ZSCAN23: variants seen among roughly 807,000 people sequenced by gnomAD.
ZSCAN23 encodes zinc finger and SCAN domain containing 23.
Under a neutral mutation model 19.3 loss-of-function variants are expected in ZSCAN23, and 19 were observed. That is an observed-to-expected ratio of 0.99 (90% CI 0.69 to 1.45). The LOEUF (loss-of-function observed/expected upper bound fraction) is 1.45. Ranked by LOEUF, ZSCAN23 falls within the 40% of genes most tolerant of loss-of-function variation. The probability of loss-of-function intolerance (pLI) is 0.00; values close to 1 mark genes in which losing one functional copy is unlikely to be tolerated. For synonymous variants in ZSCAN23, 140 were observed against 166.2 expected, an observed-to-expected ratio of 0.84 and a Z score of 1.21; for missense variants, 372 against 462.5, an observed-to-expected ratio of 0.80 and a Z score of 1.79.
the ZSCAN23 span, among the ~76,000 whole-genome samples, chr6:28,421,422 T>C: frequency 6.6e-6 from 1 of 152,140 alleles, no homozygotes; most frequent in Non-Finnish European, 1.5e-5. Context: ...TATTCCAGCT[T>C]TATTAAATGA....
chr6:28,430,022 G>C (rs1333916410), downstream of ZSCAN23, among the ~76,000 whole-genome samples: 2 of 126,668 alleles, frequency 1.6e-5, no homozygotes, highest in Admixed American at 8.0e-5. Context: ...CTTTGTGAGC[G>C]CAGAAGCCGC....
At chr6:28,431,708 T>C (rs911864021), downstream of ZSCAN23, among the ~76,000 whole-genome samples, 8 of 152,232 alleles carry the variant, frequency 5.3e-5, no homozygotes, top group South Asian at 2.1e-4. Context: ...CTCCATTTTA[T>C]GGAAAGTAAT....
downstream of ZSCAN23, among the ~76,000 whole-genome samples, chr6:28,428,074 C>CA (rs905683993): frequency 1.3e-4 from 20 of 150,674 alleles, no homozygotes; most frequent in South Asian, 2.1e-4. Flanking sequence ...AAAACTCCAT[C>CA]AAAAAAAAAT....
At chr6:28,436,611 T>C (rs2114035832) in intron 1 of ZSCAN23, among the ~76,000 whole-genome samples, 1 of 152,306 alleles carries the variant, frequency 6.6e-6, no homozygotes, top group Non-Finnish European at 1.5e-5. Flanking sequence ...ATATTGGGTT[T>C]CCATTTGAAT....
Position 28,434,681 on chromosome 6 carries a change from G to A in ZSCAN23, c.954C>T (p.Ala318=), listed in dbSNP as rs117696946. 36 of 1,577,098 alleles carry A rather than the reference G, an allele frequency of 2.3e-5. No homozygotes were observed. The East Asian group carries it at 5.4e-4, about 24-fold the overall frequency. The change falls in exon 4 of 4, where the codon GCC becomes GCT. Residue 318 remains alanine (A), a synonymous_variant. Coordinates refer to ENST00000289788, the MANE Select transcript of ZSCAN23 (RefSeq NM_001012455.2). ...SVCGKAFSQN[A]GLFHHLRIHT... The stretch of plus-strand genomic sequence containing the variant: ...GAATTCTGAGGTGATGGAAAAGCCC[G>A]GCATTCTGGCTGAAGGCTTTGCCAC...
In ZSCAN23 at chr6:28,432,907, A is replaced by G. The variant is rs1456847137; in HGVS notation, c.*1558T>C. 1.3e-5 allele frequency: 2 copies of G among 152,164 alleles called. No homozygotes were observed. 9.4% of individuals were successfully genotyped at this position (152,164 alleles called of 1,614,324 possible). A position where few individuals can be genotyped will look rare whatever the true frequency, so the allele number is the denominator to read the frequency against. Reference sequence around the variant, plus strand: ...CCTATATTTACATAAAGAAACACTGAAAGATACATAAGAAACTAGTACAAT... The same window carrying G: ...CCTATATTTACATAAAGAAACACTGGAAGATACATAAGAAACTAGTACAAT... On this transcript the variant is annotated 3_prime_UTR_variant, in exon 4 of 4. Coordinates refer to ENST00000289788, the MANE Select transcript of ZSCAN23 (RefSeq NM_001012455.2).
the ZSCAN23 span, among the ~76,000 whole-genome samples, chr6:28,424,358 C>CATTAAGGCTGATTAGGTGACAT: frequency 6.6e-6 from 1 of 152,194 alleles, no homozygotes; most frequent in Non-Finnish European, 1.5e-5. Context: ...TGTCTGCTGA[C>CATTAAGGCTGATTAGGTGACAT]TCATGGCTGA....
At chr6:28,425,698 T>G in the ZSCAN23 span, among the ~76,000 whole-genome samples, 3 of 152,170 alleles carry the variant, frequency 2.0e-5, no homozygotes, top group Non-Finnish European at 4.4e-5. Context: ...CTCCATTAGC[T>G]CCTATCAAGA....
the ZSCAN23 span, among the ~76,000 whole-genome samples, chr6:28,423,688 A>G: frequency 0.48 from 73,038 of 152,068 alleles, 19,117 homozygotes; most frequent in African/African-American, 0.7. Flanking sequence ...CACTTCTTTC[A>G]TTCTTCTGCA....
At chr6:28,429,076 C>T (rs1761706933), downstream of ZSCAN23, among the ~76,000 whole-genome samples, 1 of 152,186 alleles carries the variant, frequency 6.6e-6, no homozygotes, top group South Asian at 2.1e-4. Flanking sequence ...AACTATCCCT[C>T]AAGGTCCATT....
chr6:28,434,338 T>G lies in ZSCAN23; in HGVS notation c.*127A>C. 5.4e-6 allele frequency: 6 copies of G among 1,110,912 alleles called. No homozygotes were observed. Among genetic ancestry groups the G allele is most frequent in the Non-Finnish European group, 7.5e-6 (6 of 800,790 alleles). 68.8% of individuals were successfully genotyped at this position (1,110,912 alleles called of 1,614,324 possible). A position where few individuals can be genotyped will look rare whatever the true frequency, so the allele number is the denominator to read the frequency against. The stretch of plus-strand genomic sequence containing the variant: ...GATCAGAGAACTCGGCAGATGTATT[T>G]AAGATATTATGCTTCTCTCTGCATA... On this transcript the variant is annotated 3_prime_UTR_variant, in exon 4 of 4. Coordinates refer to ENST00000289788, the MANE Select transcript of ZSCAN23 (RefSeq NM_001012455.2).
At chr6:28,426,904 G>A in the ZSCAN23 span, among the ~76,000 whole-genome samples, 2 of 152,184 alleles carry the variant, frequency 1.3e-5, no homozygotes, top group African/African-American at 4.8e-5. Context: ...TCTGCCTCCC[G>A]GGTTCAAGCC....
the ZSCAN23 span, among the ~76,000 whole-genome samples, chr6:28,425,185 C>A: frequency 6.6e-6 from 1 of 152,142 alleles, no homozygotes; most frequent in Admixed American, 6.5e-5. Context: ...CGAAAGGAAT[C>A]TTTTTTTCTT....
chr6:28,442,203 T>C (rs1193630287), intron 1 of ZSCAN23, among the ~76,000 whole-genome samples: 2 of 152,188 alleles, frequency 1.3e-5, no homozygotes, highest in Non-Finnish European at 2.9e-5. Flanking sequence ...GCAGTGATCT[T>C]GGGCAAGTTA....
chr6:28,438,392 C>T (rs898807386), intron 1 of ZSCAN23, among the ~76,000 whole-genome samples: 1 of 152,164 alleles, frequency 6.6e-6, no homozygotes, highest in Non-Finnish European at 1.5e-5. Context: ...CCACCGCGCC[C>T]AGCAACCCTA....
the ZSCAN23 span, among the ~76,000 whole-genome samples, chr6:28,426,841 T>C: frequency 6.6e-6 from 1 of 152,232 alleles, no homozygotes; most frequent in East Asian, 1.9e-4. Context: ...CAGAGTTTTT[T>C]CTCTCATTGC....
intron 1 of ZSCAN23, among the ~76,000 whole-genome samples, chr6:28,439,650 C>T (rs906291344): frequency 1.3e-5 from 2 of 152,130 alleles, no homozygotes; most frequent in African/African-American, 4.8e-5. Flanking sequence ...GTGCTTTTAA[C>T]GTGCCAGGTA....
intron 1 of ZSCAN23, among the ~76,000 whole-genome samples, chr6:28,441,751 C>T (rs919468076): frequency 2.0e-5 from 3 of 151,724 alleles, no homozygotes; most frequent in Admixed American, 2.0e-4. Context: ...CATTTGCAAT[C>T]GTATATACAC....
chr6:28,442,196 G>C (rs1177197625), intron 1 of ZSCAN23, among the ~76,000 whole-genome samples: 1 of 152,232 alleles, frequency 6.6e-6, no homozygotes, highest in African/African-American at 2.4e-5. Context: ...TTTTAACGCA[G>C]TGATCTTGGG....
Sources: allele counts gnomAD v4.1 joint callset (sites outside exome capture counted in the v4.1 genomes callset), GRCh38; gene constraint gnomAD v4.1.1; transcripts MANE v1.5; gene names NCBI Gene and HGNC (gene_info 2026-07-23, HGNC 2026-07-21).